The following EBF3 variants were observed in gnomAD, a reference collection of about 807,000 sequenced individuals.
EBF3 encodes transcription factor COE3.
A neutral mutation model predicts 77.1 loss-of-function variants in EBF3; 18 were observed. The observed-to-expected ratio is 0.23, with a 90% CI of 0.16 to 0.35. EBF3 has a LOEUF of 0.35. Ranked by LOEUF, EBF3 falls within the 10% of genes least tolerant of loss-of-function variation. The pLI, the probability that EBF3 is intolerant of heterozygous loss-of-function variation, is 1.00. For missense variants in EBF3, 558 were observed against 860.0 expected, an observed-to-expected ratio of 0.65 and a Z score of 4.39; for synonymous variants, 350 against 343.5, an observed-to-expected ratio of 1.02 and a Z score of -0.21.
At chr10:129,905,773 G>A (rs2134265396) in intron 6 of EBF3, among the ~76,000 whole-genome samples, 1 of 152,312 alleles carries the variant, frequency 6.6e-6, no homozygotes, top group Admixed American at 6.5e-5. Context: ...CCCTGGAATT[G>A]AACTCGCCTC....
At chr10:129,857,753 G>C (rs1344197742) in intron 10 of EBF3, among the ~76,000 whole-genome samples, 2 of 152,100 alleles carry the variant, frequency 1.3e-5, no homozygotes, top group Non-Finnish European at 2.9e-5. Context: ...CCCACTGCCG[G>C]GTGGGCAGGT....
At chr10:129,902,230 A>T (rs1459410191) in intron 6 of EBF3, among the ~76,000 whole-genome samples, 17 of 142,254 alleles carry the variant, frequency 1.2e-4, no homozygotes, top group Non-Finnish European at 2.4e-4. Flanking sequence ...ACTTCCAGAC[A>T]TTTTTTTTTT....
chr10:129,867,018 C>T (rs1852065827), intron 10 of EBF3, 123 bp downstream of exon 10: 6 of 1,350,718 alleles, frequency 4.4e-6, no homozygotes, highest in Non-Finnish European at 5.8e-6. Flanking sequence ...GCCAAGGGGG[C>T]TTTGTCTGTC....
chr10:129,865,413 G>A (rs1427275436), intron 10 of EBF3, among the ~76,000 whole-genome samples: 1 of 152,098 alleles, frequency 6.6e-6, no homozygotes, highest in Non-Finnish European at 1.5e-5. Context: ...CTCCATCTCA[G>A]AGTCTTACAT....
intron 6 of EBF3, among the ~76,000 whole-genome samples, chr10:129,887,163 G>A (rs754218203): frequency 1.5e-4 from 23 of 149,864 alleles, no homozygotes; most frequent in Non-Finnish European, 3.2e-4. Context: ...CCTCAGCCCT[G>A]GGCCTGCAAC....
At chr10:129,931,279 T>C (rs1024408277) in intron 6 of EBF3, among the ~76,000 whole-genome samples, 2 of 152,232 alleles carry the variant, frequency 1.3e-5, no homozygotes, top group Non-Finnish European at 2.9e-5. Context: ...GTCTTGGGGA[T>C]ACTTTTTGGT....
At chr10:129,955,706 A>G (rs983819874) in intron 6 of EBF3, among the ~76,000 whole-genome samples, 1 of 152,250 alleles carries the variant, frequency 6.6e-6, no homozygotes, top group Non-Finnish European at 1.5e-5. Context: ...CCAAAATGTG[A>G]GCCAAATCAA....
In EBF3 at chr10:129,938,458, T is replaced by C. The variant is rs893910383; in HGVS notation, c.554+18800A>G. ...AGTCCCTGCTACCAGGAGGCTGAGG[T>C]GGGAACATTGCTTGAGCCCAGGAGG... On this transcript the variant is annotated intron_variant, in intron 6 of 16. Coordinates refer to ENST00000440978, the MANE Select transcript of EBF3 (RefSeq NM_001375380.1). This position sits in a 1 kb window ranked among gnomAD's most constrained non-coding sequence, Gnocchi z 5.1. Among the ~76,000 whole-genome samples the C allele has an allele frequency of 1.3e-5, 2 of 149,498 alleles. No homozygotes were observed. The highest frequency in any genetic ancestry group is 2.5e-5 in the African/African-American group (1 of 40,502).
chr10:129,928,926 C>A (rs1417299261), intron 6 of EBF3, among the ~76,000 whole-genome samples: 2 of 152,196 alleles, frequency 1.3e-5, no homozygotes, highest in Admixed American at 1.3e-4. Flanking sequence ...ATTTGATAAT[C>A]CATTAGCAGT....
intron 8 of EBF3, among the ~76,000 whole-genome samples, chr10:129,868,970 A>C (rs1852223352): frequency 6.6e-6 from 1 of 152,072 alleles, no homozygotes; most frequent in African/African-American, 2.4e-5. Flanking sequence ...CCCTCAGACT[A>C]CTCTACCCTT....
At chr10:129,838,027 C>A (rs372467959) in intron 16 of EBF3, 67 bp from the exon 17 acceptor site, 1 of 1,581,452 alleles carries the variant, frequency 6.3e-7, no homozygotes, top group Non-Finnish European at 8.7e-7. Context: ...AACGCTGACG[C>A]GGGCGGGGCT....
Position 129,839,211 on chromosome 10 carries a change from T to C in EBF3, c.1760-16A>G. ...AGCAGAGAGCCTGGTACATAGTAGG[T>C]GCTCAGTAAATACTGGTTGAATGGG... On this transcript the variant is annotated splice_polypyrimidine_tract_variant and intron_variant, in intron 15 of 16. Coordinates refer to ENST00000440978, the MANE Select transcript of EBF3 (RefSeq NM_001375380.1). 1 of 1,182,498 alleles carries C rather than the reference T, an allele frequency of 8.5e-7. No homozygotes were observed. The highest frequency in any genetic ancestry group is 1.1e-6 in the Non-Finnish European group (1 of 878,002). The allele number at this position is 1,182,498 out of a possible 1,614,324, so 73.3% of individuals were successfully genotyped here. A position where few individuals can be genotyped will look rare whatever the true frequency, so the allele number is the denominator to read the frequency against.
intron 6 of EBF3, among the ~76,000 whole-genome samples, chr10:129,914,795 C>T (rs1410788103): frequency 6.6e-6 from 1 of 152,180 alleles, no homozygotes; most frequent in Admixed American, 6.5e-5. Flanking sequence ...CACCAGGTGT[C>T]AGGCCCCCCA....
chr10:129,902,666 C>T (rs1283331777), intron 6 of EBF3, among the ~76,000 whole-genome samples: 2 of 152,184 alleles, frequency 1.3e-5, no homozygotes, highest in Non-Finnish European at 2.9e-5. Context: ...TATTGAGCAA[C>T]AACTGTTAGC....
chr10:129,924,618 C>T (rs968692063), intron 6 of EBF3, among the ~76,000 whole-genome samples: 3 of 152,106 alleles, frequency 2.0e-5, no homozygotes, highest in Admixed American at 6.5e-5. Context: ...CCCACATCTC[C>T]GTGTATACAC....
Position 129,841,645 on chromosome 10 carries a change from G to A in EBF3, c.1372+471C>T, listed in dbSNP as rs901598613. 9.2e-5 allele frequency among the ~76,000 whole-genome samples: 14 copies of A among 152,132 alleles called. No homozygotes were observed. Among genetic ancestry groups the A allele is most frequent in the Non-Finnish European group, 1.8e-4 (12 of 68,034 alleles). On this transcript the variant is annotated intron_variant, in intron 13 of 16. Transcript: ENST00000440978. The surrounding 1 kb of genome is among the most constrained non-coding windows in gnomAD (Gnocchi z 4.6). Reference sequence around the variant, plus strand: ...CCAAATGGCAAGATGCAGCGGCCTTGGCTGGCCCAGGACACTGCACTGTGG... The same window carrying A: ...CCAAATGGCAAGATGCAGCGGCCTTAGCTGGCCCAGGACACTGCACTGTGG...
At chr10:129,945,423 T>G (rs1858131290) in intron 6 of EBF3, among the ~76,000 whole-genome samples, 1 of 152,210 alleles carries the variant, frequency 6.6e-6, no homozygotes, top group African/African-American at 2.4e-5. Flanking sequence ...AAATGGCCAG[T>G]GCAAAGAAGG....
intron 10 of EBF3, among the ~76,000 whole-genome samples, chr10:129,853,126 G>A (rs945941224): frequency 6.6e-6 from 1 of 152,208 alleles, no homozygotes; most frequent in African/African-American, 2.4e-5. Flanking sequence ...TGCGCCGCCT[G>A]TAAGTACTCC....
intron 6 of EBF3, among the ~76,000 whole-genome samples, chr10:129,951,964 C>T (rs975144280): frequency 4.6e-5 from 7 of 152,266 alleles, no homozygotes; most frequent in African/African-American, 9.6e-5. Context: ...ACTGGCGCTG[C>T]CAGGGAATAA....
Sources: gnomAD v4.1 joint callset for allele counts (sites outside exome capture counted in the v4.1 genomes callset) on GRCh38, gnomAD v4.1.1 for gene constraint, Gnocchi (gnomAD v3.1) non-coding constraint, MANE v1.5 for transcripts, NCBI Gene and HGNC (gene_info 2026-07-23, HGNC 2026-07-21) for gene names.